ZFHX3: variants seen among roughly 807,000 people sequenced by gnomAD.
The protein encoded by ZFHX3 is zinc finger homeobox protein 3.
Under a neutral mutation model 279.1 loss-of-function variants are expected in ZFHX3, and 42 were observed. The observed-to-expected ratio is 0.15, with a 90% CI of 0.12 to 0.19. The LOEUF is 0.19. Ranked by LOEUF, ZFHX3 falls within the 10% of genes least tolerant of loss-of-function variation. The pLI is 1.00. For missense variants in ZFHX3, 4,981 were observed against 4,754.0 expected (o/e 1.05, Z -1.40); for synonymous variants, 2,293 against 1,957.8 (o/e 1.17, Z -4.52).
chr16:73,252,959 G>A (rs1374020157), intron 5 of ZFHX3, among the ~76,000 whole-genome samples: 1 of 152,212 alleles, frequency 6.6e-6, no homozygotes, highest in African/African-American at 2.4e-5. Flanking sequence ...AGAGAAAGCA[G>A]AGCAGGAAAG....
At chr16:72,932,155 T>G (rs1330961760) in intron 3 of ZFHX3, among the ~76,000 whole-genome samples, 2 of 152,198 alleles carry the variant, frequency 1.3e-5, no homozygotes, top group Non-Finnish European at 1.5e-5. Flanking sequence ...ACGTTCTAAC[T>G]TGCATCTAAT....
At chr16:73,687,379 T>C (rs1221986718) in intron 1 of ZFHX3, among the ~76,000 whole-genome samples, 1 of 149,628 alleles carries the variant, frequency 6.7e-6, no homozygotes, top group Non-Finnish European at 1.5e-5. Flanking sequence ...AGAGACCCTG[T>C]CTCAAAAAAA....
At chr16:72,922,960 TAGA>T (rs905058773) in intron 3 of ZFHX3, among the ~76,000 whole-genome samples, 6 of 152,260 alleles carry the variant, frequency 3.9e-5, no homozygotes, top group Admixed American at 3.9e-4. Context: ...GTAAAGCTGC[TAGA>T]AGGACTCGAC....
chr16:73,816,927 A>G (rs536104472), intron 1 of ZFHX3, among the ~76,000 whole-genome samples: 4 of 152,324 alleles, frequency 2.6e-5, no homozygotes, highest in East Asian at 1.9e-4. Context: ...AAGAAATCCA[A>G]TGAGGTTGCA....
At chr16:72,903,181 T>C (rs914624813) in intron 3 of ZFHX3, among the ~76,000 whole-genome samples, 10 of 152,138 alleles carry the variant, frequency 6.6e-5, no homozygotes, top group Non-Finnish European at 1.5e-4. Context: ...GTGGAGGTCG[T>C]TGAGAAAGGC....
intron 2 of ZFHX3, among the ~76,000 whole-genome samples, chr16:73,486,246 T>G (rs1007450414): frequency 1.3e-5 from 2 of 152,216 alleles, no homozygotes; most frequent in African/African-American, 4.8e-5. Flanking sequence ...ACTTTGTAAC[T>G]TTACTTCATC....
intron 3 of ZFHX3, among the ~76,000 whole-genome samples, chr16:72,893,728 C>A (rs1417743636): frequency 6.6e-6 from 1 of 152,188 alleles, no homozygotes; most frequent in Admixed American, 6.5e-5. Context: ...GAAAATGAAG[C>A]CACGGCTGCT....
intron 1 of ZFHX3, among the ~76,000 whole-genome samples, chr16:72,978,890 G>A (rs765359669): frequency 6.6e-6 from 1 of 152,232 alleles, no homozygotes; most frequent in Non-Finnish European, 1.5e-5. Flanking sequence ...GCCAGGCACT[G>A]TGCTAGGTGC....
chr16:73,175,023 C>T (rs1967629243), intron 5 of ZFHX3, among the ~76,000 whole-genome samples: 1 of 151,084 alleles, frequency 6.6e-6, no homozygotes, highest in Non-Finnish European at 1.5e-5. Flanking sequence ...GCAAGACCCC[C>T]TCTCAAAACC....
intron 2 of ZFHX3, among the ~76,000 whole-genome samples, chr16:73,564,283 A>G (rs1247950367): frequency 6.6e-6 from 1 of 152,068 alleles, no homozygotes; most frequent in Non-Finnish European, 1.5e-5. Context: ...GCCCTGGGCC[A>G]AGGGTTTGGT....
intron 2 of ZFHX3, among the ~76,000 whole-genome samples, chr16:73,667,745 C>T (rs12102476): frequency 0.029 from 4,374 of 152,268 alleles, 227 homozygotes; most frequent in African/African-American, 0.1. Context: ...AACACATAAT[C>T]TCATTTTGAG....
chr16:73,813,159 A>G (rs1200022910), intron 1 of ZFHX3, among the ~76,000 whole-genome samples: 1 of 151,814 alleles, frequency 6.6e-6, no homozygotes, highest in African/African-American at 2.4e-5. Flanking sequence ...GAGCTAACTG[A>G]TCCCTCGCTG....
intron 1 of ZFHX3, among the ~76,000 whole-genome samples, chr16:73,803,540 G>A (rs182088734): frequency 1.9e-4 from 29 of 152,302 alleles, no homozygotes; most frequent in Admixed American, 1.8e-3. Context: ...CTATTGAACA[G>A]AACAGAAGTA....
At chr16:73,063,479 G>A (rs1011943754), upstream of ZFHX3, among the ~76,000 whole-genome samples, 1 of 152,152 alleles carries the variant, frequency 6.6e-6, no homozygotes. Flanking sequence ...TCTTCTGAGC[G>A]TCCGGAATCG....
intron 3 of ZFHX3, among the ~76,000 whole-genome samples, chr16:73,425,746 G>A (rs936413645): frequency 6.6e-6 from 1 of 152,082 alleles, no homozygotes; most frequent in Non-Finnish European, 1.5e-5. Flanking sequence ...TCCTGGCACT[G>A]TTTATCCATC....
intron 4 of ZFHX3, among the ~76,000 whole-genome samples, chr16:72,866,040 T>A (rs2038014025): frequency 1.3e-5 from 2 of 151,926 alleles, no homozygotes; most frequent in Admixed American, 1.3e-4. Flanking sequence ...AGAAAGATAA[T>A]GTGATGCGGT....
chr16:73,221,314 A>G (rs528072428), intron 5 of ZFHX3, among the ~76,000 whole-genome samples: 6 of 152,326 alleles, frequency 3.9e-5, no homozygotes, highest in Non-Finnish European at 8.8e-5. Flanking sequence ...ATTCATGGTT[A>G]TAATTTCGAT....
chr16:73,778,161 A>G (rs1959323010), intron 1 of ZFHX3, among the ~76,000 whole-genome samples: 1 of 151,142 alleles, frequency 6.6e-6, no homozygotes, highest in Admixed American at 6.6e-5. Flanking sequence ...AAATGGCTAT[A>G]CCAATAATTC....
chr16:73,110,587 G>C (rs1966360978), intron 7 of ZFHX3, among the ~76,000 whole-genome samples: 1 of 151,786 alleles, frequency 6.6e-6, no homozygotes, highest in Admixed American at 6.6e-5. Flanking sequence ...GCTTTTTTTG[G>C]AGACAGGGTC....
Sources: allele counts gnomAD v4.1 joint callset (sites outside exome capture counted in the v4.1 genomes callset), GRCh38; gene constraint gnomAD v4.1.1; transcripts MANE v1.5; gene names NCBI Gene and HGNC (gene_info 2026-07-23, HGNC 2026-07-21).